The following PCCA variants were observed in gnomAD, a reference collection of about 807,000 sequenced individuals.
PCCA encodes the protein propionyl-CoA carboxylase subunit alpha, also known as propionyl-CoA carboxylase alpha chain, mitochondrial.
Under a neutral mutation model 101.3 loss-of-function variants are expected in PCCA, and 74 were observed. The ratio of observed to expected loss-of-function variants is 0.73; its 90% CI spans 0.61 to 0.89. The LOEUF is 0.89. Among genes scored for constraint, PCCA ranks in the 40% least tolerant of loss-of-function variants. The probability of loss-of-function intolerance (pLI) is 0.00; values close to 1 mark genes in which losing one functional copy is unlikely to be tolerated. For missense variants in PCCA, 891 were observed against 907.0 expected (o/e 0.98, Z 0.23); for synonymous variants, 294 against 313.6 (o/e 0.94, Z 0.66).
At chr13:100,463,086 C>A (rs568688539) in intron 21 of PCCA, among the ~76,000 whole-genome samples, 2 of 152,000 alleles carry the variant, frequency 1.3e-5, no homozygotes. Flanking sequence ...AGAAAGAGGA[C>A]GGAATGAAAT....
intron 6 of PCCA, among the ~76,000 whole-genome samples, chr13:100,160,044 A>ATT (rs949721695): frequency 6.6e-6 from 1 of 151,776 alleles, no homozygotes; most frequent in South Asian, 2.1e-4. Flanking sequence ...TGATTTTTTG[A>ATT]TTTTTTTTGC....
At chr13:100,212,222 A>G (rs570044235) in intron 7 of PCCA, among the ~76,000 whole-genome samples, 7 of 152,304 alleles carry the variant, frequency 4.6e-5, no homozygotes, top group Middle Eastern at 3.4e-3. Context: ...GCCCATGCAC[A>G]CCTATTTTTA....
intron 6 of PCCA, among the ~76,000 whole-genome samples, chr13:100,166,049 A>T (rs1359135820): frequency 6.6e-6 from 1 of 152,326 alleles, no homozygotes; most frequent in Middle Eastern, 3.4e-3. Flanking sequence ...ATGAAATCAT[A>T]ATCACAATCA....
chr13:100,267,453 A>G (rs1367589529), intron 10 of PCCA, among the ~76,000 whole-genome samples: 3 of 152,190 alleles, frequency 2.0e-5, no homozygotes, highest in Non-Finnish European at 4.4e-5. Context: ...AATTATAGCC[A>G]TGATCTTTAT....
intron 15 of PCCA, among the ~76,000 whole-genome samples, chr13:100,307,675 GT>G (rs2066558441): frequency 6.6e-6 from 1 of 152,052 alleles, no homozygotes; most frequent in African/African-American, 2.4e-5. Flanking sequence ...TTTCTCTTCA[GT>G]TTTTACAAAT....
intron 10 of PCCA, 183 bp from the exon 11 acceptor site, chr13:100,268,505 AG>A (rs2063091042): frequency 1.5e-6 from 1 of 668,124 alleles, no homozygotes; most frequent in Non-Finnish European, 2.7e-6. Flanking sequence ...TGTTTTATTG[AG>A]CTTTGGAGTA....
chr13:100,385,169 A>G (rs2076429224), intron 19 of PCCA, among the ~76,000 whole-genome samples: 1 of 152,208 alleles, frequency 6.6e-6, no homozygotes, highest in Admixed American at 6.5e-5. Flanking sequence ...TTTTAAAATT[A>G]AAACATAATG....
intron 19 of PCCA, among the ~76,000 whole-genome samples, chr13:100,414,619 CT>C (rs1454970240): frequency 6.6e-6 from 1 of 152,106 alleles, no homozygotes; most frequent in East Asian, 1.9e-4. Context: ...AGCATCTTGG[CT>C]TTTTAGAATT....
intron 21 of PCCA, among the ~76,000 whole-genome samples, chr13:100,455,223 G>A (rs1420215117): frequency 1.3e-5 from 2 of 152,182 alleles, no homozygotes; most frequent in Admixed American, 6.5e-5. Context: ...GGTGTGACCA[G>A]GGAAGCCTTC....
At chr13:100,358,330 T>A (rs555263952) in intron 18 of PCCA, among the ~76,000 whole-genome samples, 10 of 152,294 alleles carry the variant, frequency 6.6e-5, no homozygotes, top group African/African-American at 2.4e-4. Flanking sequence ...TTACTTGGCA[T>A]GCAATCTAAG....
At chr13:100,344,433 C>A (rs1484966980) in intron 18 of PCCA, among the ~76,000 whole-genome samples, 2 of 152,194 alleles carry the variant, frequency 1.3e-5, no homozygotes, top group Non-Finnish European at 2.9e-5. Flanking sequence ...ATATTCCTAT[C>A]CCTTTGACTG....
intron 18 of PCCA, among the ~76,000 whole-genome samples, chr13:100,362,319 C>T (rs2074704865): frequency 6.6e-6 from 1 of 152,022 alleles, no homozygotes; most frequent in Non-Finnish European, 1.5e-5. Context: ...GTTGCTGAAA[C>T]AAAAGAGAGG....
rs181399976 is a variant in PCCA at position 100,352,248 on chromosome 13, A to G, written c.1643+11989A>G. ...CAGAATAGATTTAAAAATATGATCA[A>G]ACCATATGCTTTACAAGAGACACAC... On this transcript the variant is annotated intron_variant, in intron 18 of 23. Transcript: ENST00000376285. Among the ~76,000 whole-genome samples, 5 of 152,332 alleles carry G rather than the reference A, an allele frequency of 3.3e-5. No homozygotes were observed. The East Asian group carries it at 9.6e-4, about 29-fold the overall frequency.
chr13:100,437,323 T>TAGTG (rs1475102259), intron 20 of PCCA, among the ~76,000 whole-genome samples: 3 of 152,140 alleles, frequency 2.0e-5, no homozygotes, highest in Admixed American at 1.3e-4. Flanking sequence ...AATATGGAGC[T>TAGTG]AGTGATATAT....
intron 10 of PCCA, among the ~76,000 whole-genome samples, chr13:100,267,995 G>A (rs1363797740): frequency 6.6e-6 from 1 of 151,924 alleles, no homozygotes; most frequent in Non-Finnish European, 1.5e-5. Context: ...GATTTTTTTG[G>A]GTTTTGGAAT....
intron 18 of PCCA, among the ~76,000 whole-genome samples, chr13:100,349,185 G>A (rs540824903): frequency 9.9e-5 from 15 of 151,640 alleles, no homozygotes; most frequent in Non-Finnish European, 1.3e-4. Flanking sequence ...GTGCGATGGC[G>A]CAATCTCAGC....
chr13:100,323,515 ACCATGTTGGCCAGGCTGGTCT>A (rs1194766388), intron 16 of PCCA, among the ~76,000 whole-genome samples: 2 of 151,968 alleles, frequency 1.3e-5, no homozygotes, highest in African/African-American at 4.8e-5. Context: ...ACGGGGTTTC[ACCATGTTGGCCAGGCTGGTCT>A]CGAATTGCTG....
At chr13:100,210,488 CT>C (rs2059145748) in intron 7 of PCCA, among the ~76,000 whole-genome samples, 2 of 152,152 alleles carry the variant, frequency 1.3e-5, no homozygotes, top group Non-Finnish European at 2.9e-5. Flanking sequence ...TCTTGAGCTT[CT>C]CTCCATGTGC....
chr13:100,377,686 G>T (rs188088203), intron 19 of PCCA, among the ~76,000 whole-genome samples: 1 of 151,934 alleles, frequency 6.6e-6, no homozygotes, highest in South Asian at 2.1e-4. Flanking sequence ...AGTAGAGACA[G>T]GGTTTCACCG....
Sources: gnomAD v4.1 joint callset for allele counts (sites outside exome capture counted in the v4.1 genomes callset) on GRCh38, gnomAD v4.1.1 for gene constraint, MANE v1.5 for transcripts, NCBI Gene and HGNC (gene_info 2026-07-23, HGNC 2026-07-21) for gene names.